SNTG2: variants seen among roughly 807,000 people sequenced by gnomAD.
The protein encoded by SNTG2 is syntrophin gamma 2.
SNTG2 carries 74 observed loss-of-function variants against 70.9 expected under a neutral mutation model. The ratio of observed to expected loss-of-function variants is 1.04; its 90% CI spans 0.86 to 1.27. The LOEUF is 1.27. Ranked by LOEUF, SNTG2 falls within the 50% of genes most tolerant of loss-of-function variation. SNTG2 has a pLI of 0.00. For missense variants in SNTG2, 717 were observed against 690.7 expected (o/e 1.04, Z -0.43); for synonymous variants, 278 against 273.8 (o/e 1.02, Z -0.15).
At chr2:966,015 C>T (rs555803854) in intron 1 of SNTG2, among the ~76,000 whole-genome samples, 17 of 152,306 alleles carry the variant, frequency 1.1e-4, no homozygotes, top group East Asian at 1.9e-4. Flanking sequence ...TCCTGTGTGT[C>T]GGACCCATCC....
chr2:1,327,646 T>A (rs1681815024), intron 16 of SNTG2, among the ~76,000 whole-genome samples: 1 of 152,196 alleles, frequency 6.6e-6, no homozygotes, highest in African/African-American at 2.4e-5. Context: ...ATTTTTATAT[T>A]ACTGTATGTT....
intron 16 of SNTG2, among the ~76,000 whole-genome samples, chr2:1,333,677 T>TAA (rs1659649637): frequency 6.6e-6 from 1 of 151,940 alleles, no homozygotes; most frequent in Non-Finnish European, 1.5e-5. Flanking sequence ...TACAAAAACA[T>TAA]AAATTGGGGA....
At chr2:1,274,909 C>A (rs1022747079) in intron 14 of SNTG2, among the ~76,000 whole-genome samples, 4 of 152,184 alleles carry the variant, frequency 2.6e-5, no homozygotes, top group African/African-American at 9.6e-5. Flanking sequence ...GCTTATTTAG[C>A]TCATAGTTCT....
At chr2:1,181,853 A>G (rs28591242) in intron 8 of SNTG2, among the ~76,000 whole-genome samples, 7,602 of 152,214 alleles carry the variant, frequency 0.05, 295 homozygotes, top group East Asian at 0.21. Flanking sequence ...TTCTAAGTTC[A>G]TTATTTATAC....
chr2:1,083,011 A>T (rs1664435835), intron 1 of SNTG2, among the ~76,000 whole-genome samples: 1 of 152,192 alleles, frequency 6.6e-6, no homozygotes, highest in Non-Finnish European at 1.5e-5. Flanking sequence ...CAGCCCCTGC[A>T]GGAGCTTGGG....
chr2:1,200,904 C>T (rs1406224905), intron 8 of SNTG2, among the ~76,000 whole-genome samples: 1 of 151,860 alleles, frequency 6.6e-6, no homozygotes, highest in Non-Finnish European at 1.5e-5. Flanking sequence ...ATTACAGACT[C>T]TGGAAGGATG....
intron 13 of SNTG2, among the ~76,000 whole-genome samples, chr2:1,259,989 C>T (rs1678333304): frequency 2.0e-5 from 3 of 152,220 alleles, no homozygotes; most frequent in Non-Finnish European, 2.9e-5. Flanking sequence ...AGCAAGGCGA[C>T]GATGCGCTCA....
chr2:987,505 G>A (rs1661364298), intron 1 of SNTG2, among the ~76,000 whole-genome samples: 1 of 152,018 alleles, frequency 6.6e-6, no homozygotes, highest in Non-Finnish European at 1.5e-5. Context: ...GGTGAGGATG[G>A]AAGGAGAGGT....
intron 4 of SNTG2, chr2:1,102,717 G>T (rs925204844): frequency 6.6e-6 from 1 of 152,320 alleles, no homozygotes; most frequent in Non-Finnish European, 1.5e-5. Context: ...CAGGGTAAGA[G>T]AATTTTTAAA....
At chr2:1,172,535 A>G (rs1048002919) in intron 7 of SNTG2, among the ~76,000 whole-genome samples, 1 of 152,206 alleles carries the variant, frequency 6.6e-6, no homozygotes, top group African/African-American at 2.4e-5. Flanking sequence ...TGGGTAATCC[A>G]TGGAGCATGA....
At chr2:1,255,935 AATAT>A (rs66538518) in intron 12 of SNTG2, among the ~76,000 whole-genome samples, 1 of 57,876 alleles carries the variant, frequency 1.7e-5, no homozygotes, top group Non-Finnish European at 3.0e-5. Flanking sequence ...TAAATATATA[AATAT>A]ATATATATAT....
chr2:1,278,261 C>T (rs568067789), intron 14 of SNTG2, among the ~76,000 whole-genome samples: 6 of 152,134 alleles, frequency 3.9e-5, no homozygotes, highest in Admixed American at 6.5e-5. Context: ...TTATGGAGGG[C>T]AGAAGGTGTT....
Position 1,014,438 on chromosome 2 carries a change from T to A in SNTG2, c.72+63370T>A, listed in dbSNP as rs192806811. On this transcript the variant is annotated intron_variant, in intron 1 of 16. Coordinates refer to ENST00000308624, the MANE Select transcript of SNTG2 (RefSeq NM_018968.4). The stretch of plus-strand genomic sequence containing the variant: ...AGGGTGCTCTGGAGAGGGATTTATA[T>A]GGGCAGAGAGAAGGGTGGTCTGTAG... Among the ~76,000 whole-genome samples the A allele has an allele frequency of 6.6e-5, 6 of 90,824 alleles. No individual in the cohort carries two copies. The East Asian group carries it at 7.0e-4, about 11-fold the overall frequency. The allele number at this position is 90,824 out of a possible 152,430, so 59.6% of individuals were successfully genotyped here.
intron 1 of SNTG2, among the ~76,000 whole-genome samples, chr2:980,451 T>G (rs1466761150): frequency 2.0e-5 from 3 of 152,220 alleles, no homozygotes; most frequent in Non-Finnish European, 4.4e-5. Context: ...ATTGGGACTC[T>G]GCCAGGAATA....
intron 1 of SNTG2, among the ~76,000 whole-genome samples, chr2:977,320 C>A (rs895853919): frequency 6.6e-6 from 1 of 152,192 alleles, no homozygotes; most frequent in Non-Finnish European, 1.5e-5. Context: ...GTAAAGGTGC[C>A]TGCCTGGTAA....
chr2:979,250 G>A (rs62106768), intron 1 of SNTG2, among the ~76,000 whole-genome samples: 11,636 of 152,246 alleles, frequency 0.076, 676 homozygotes, highest in South Asian at 0.2. Context: ...ATCTATAGTG[G>A]CTGCTTCAGG....
At chr2:1,222,124 T>C (rs1270896228) in intron 9 of SNTG2, among the ~76,000 whole-genome samples, 2 of 129,576 alleles carry the variant, frequency 1.5e-5, no homozygotes, top group East Asian at 2.5e-4. Context: ...TGTCTCTCTC[T>C]GTCTCTCTCT....
At chr2:1,047,115 T>G (rs1252239647) in intron 1 of SNTG2, among the ~76,000 whole-genome samples, 4 of 152,202 alleles carry the variant, frequency 2.6e-5, no homozygotes, top group Non-Finnish European at 4.4e-5. Context: ...GCTCTGAGAT[T>G]TGTTCCTCAG....
At chr2:1,042,750 T>A (rs1661510965) in intron 1 of SNTG2, among the ~76,000 whole-genome samples, 1 of 152,196 alleles carries the variant, frequency 6.6e-6, no homozygotes, top group Non-Finnish European at 1.5e-5. Context: ...TGGACCACAT[T>A]TTCTTTATCT....
Sources: allele counts gnomAD v4.1 joint callset (sites outside exome capture counted in the v4.1 genomes callset), GRCh38; gene constraint gnomAD v4.1.1; transcripts MANE v1.5; gene names NCBI Gene and HGNC (gene_info 2026-07-23, HGNC 2026-07-21).